Variants in ACAD11 observed in about 807,000 individuals in gnomAD.
The protein encoded by ACAD11 is acyl-CoA dehydrogenase family member 11.
Under a neutral mutation model 102.2 loss-of-function variants are expected in ACAD11, and 83 were observed. That is an observed-to-expected ratio of 0.81 (90% CI 0.68 to 0.97). The LOEUF is 0.97. ACAD11 is among the 50% of genes least tolerant of loss of function. The pLI is 0.00. For missense variants in ACAD11, 901 were observed against 951.7 expected (o/e 0.95, Z 0.70); for synonymous variants, 324 against 319.8 (o/e 1.01, Z -0.14).
chr3:132,654,888 A>C (rs556958161), intron 1 of ACAD11, among the ~76,000 whole-genome samples: 1 of 152,374 alleles, frequency 6.6e-6, no homozygotes, highest in South Asian at 2.1e-4. Context: ...GAGTTAGCAT[A>C]AATAGGCTGA....
intron 1 of ACAD11, among the ~76,000 whole-genome samples, chr3:132,655,141 T>C (rs990001199): frequency 3.3e-5 from 5 of 152,226 alleles, no homozygotes; most frequent in African/African-American, 7.2e-5. Flanking sequence ...TTATGCAGCA[T>C]GTGACTATAT....
chr3:132,632,209 G>T (rs535797692), intron 5 of ACAD11, among the ~76,000 whole-genome samples: 1 of 151,748 alleles, frequency 6.6e-6, no homozygotes, highest in African/African-American at 2.4e-5. Context: ...TCAGCCTCCC[G>T]AATAGCTGGG....
intron 17 of ACAD11, among the ~76,000 whole-genome samples, chr3:132,574,908 G>A (rs903495536): frequency 2.0e-5 from 3 of 152,098 alleles, no homozygotes; most frequent in East Asian, 1.9e-4. Context: ...GATCTTGGCT[G>A]AACGCAACCT....
chr3:132,579,147 A>C, intron 14 of ACAD11: 1 of 1,112,424 alleles, frequency 9.0e-7, no homozygotes, highest in Non-Finnish European at 1.2e-6. Flanking sequence ...TTATATATAT[A>C]ATTAAACATT....
chr3:132,580,264 A>G (rs1937579053), intron 13 of ACAD11, among the ~76,000 whole-genome samples: 1 of 152,096 alleles, frequency 6.6e-6, no homozygotes. Flanking sequence ...TAAAGATTTA[A>G]TGAGAAATGT....
chr3:132,612,662 A>G (rs1238985034), intron 11 of ACAD11, among the ~76,000 whole-genome samples: 3 of 152,108 alleles, frequency 2.0e-5, no homozygotes, highest in East Asian at 3.8e-4. Flanking sequence ...AATGCAAATC[A>G]AAACCACAAT....
At chr3:132,608,390 C>CACAGACACACATA (rs1414981000) in intron 11 of ACAD11, among the ~76,000 whole-genome samples, 7 of 152,080 alleles carry the variant, frequency 4.6e-5, no homozygotes, top group Non-Finnish European at 8.8e-5. Flanking sequence ...ATCTCACGTG[C>CACAGACACACATA]ACAGACACAC....
intron 13 of ACAD11, among the ~76,000 whole-genome samples, chr3:132,593,843 C>T (rs1938186326): frequency 6.6e-6 from 1 of 152,078 alleles, no homozygotes; most frequent in Non-Finnish European, 1.5e-5. Flanking sequence ...TGGTAAGCAG[C>T]AAAATGGAAT....
intron 9 of ACAD11, among the ~76,000 whole-genome samples, chr3:132,626,072 T>C (rs763975603): frequency 6.6e-6 from 1 of 152,224 alleles, no homozygotes; most frequent in Non-Finnish European, 1.5e-5. Flanking sequence ...ATTTAGTGTC[T>C]TCCTTTCCTG....
intron 11 of ACAD11, among the ~76,000 whole-genome samples, chr3:132,609,246 C>T (rs972879004): frequency 5.3e-5 from 8 of 152,016 alleles, no homozygotes; most frequent in Non-Finnish European, 1.0e-4. Flanking sequence ...AGAAGCAAGC[C>T]AAACAAATTC....
At chr3:132,605,059 G>T in intron 12 of ACAD11, 39 bp downstream of exon 12, 2 of 1,478,700 alleles carry the variant, frequency 1.4e-6, no homozygotes, top group South Asian at 1.2e-5. Context: ...ACTCCGGGAC[G>T]ACTGACTACA....
chr3:132,619,540 T>G lies in ACAD11; in HGVS notation c.1203A>C (p.Val401=), dbSNP rs374412355. 4.4e-6 allele frequency: 7 copies of G among 1,582,660 alleles called. No homozygotes were observed. In the African/African-American group the frequency reaches 9.5e-5, roughly 22 times the overall value. ...KQHILPAEKE[V]TEFYVQNENS... is the part of the protein sequence containing the mutation. ...TTTCATTTTGAACATAGAACTCAGT[T>G]ACCTCCTTAAAGTAATAAAAGAAAA... Residue 401 remains valine (V), a synonymous_variant, in exon 10 of 20, where the codon GTA becomes GTC. Coordinates refer to ENST00000264990, the MANE Select transcript of ACAD11 (RefSeq NM_032169.5).
At chr3:132,642,644 A>G (rs751023934) in intron 3 of ACAD11, 33 bp downstream of exon 3, 1 of 1,564,934 alleles carries the variant, frequency 6.4e-7, no homozygotes. Context: ...ATTAAAAGTA[A>G]AAGCAACAAA....
At position 132,630,554 on chromosome 3, in the gene ACAD11, T is replaced by C. The variant is rs1370801544; in HGVS notation, c.846A>G (p.Ile282Met). 7 of 1,606,136 alleles carry C rather than the reference T, an allele frequency of 4.4e-6. No homozygotes were observed. The African/African-American group carries it at 6.7e-5, about 15-fold the overall frequency. Residue 282 changes from isoleucine (I) to methionine (M), a missense_variant, in exon 7 of 20, where the codon ATA (isoleucine) becomes ATG (methionine). Transcript: ENST00000264990. Reference protein sequence around the residue: ...NQGSYSENSGIPSMEELISIY... With the variant: ...NQGSYSENSGMPSMEELISIY... ...TTGAAATCAGTTCTTCCATTGATGG[T>C]ATCCCTATAAAAACAGCATGTAATA... is the stretch of plus-strand genomic sequence containing the variant.
In ACAD11 at chr3:132,630,600, G is replaced by A. The variant is rs557470428; in HGVS notation, c.842-42C>T. Reference sequence around the variant, plus strand: ...TAATATAAACTTTAATTAAAATGTCGTGGTGAATATTTCAAAATGTTATGA... The same window carrying A: ...TAATATAAACTTTAATTAAAATGTCATGGTGAATATTTCAAAATGTTATGA... On this transcript the variant is annotated intron_variant, in intron 6 of 19. Coordinates refer to ENST00000264990, the MANE Select transcript of ACAD11 (RefSeq NM_032169.5). 39 of 1,550,752 alleles carry A rather than the reference G, an allele frequency of 2.5e-5. 1 individual carries two copies. Among genetic ancestry groups the A allele is most frequent in the Middle Eastern group, 3.8e-4 (2 of 5,280 alleles).
intron 17 of ACAD11, among the ~76,000 whole-genome samples, chr3:132,568,291 C>T (rs72998128): frequency 0.018 from 2,697 of 152,168 alleles, 82 homozygotes; most frequent in African/African-American, 0.061. Flanking sequence ...ATTAAAAACA[C>T]AATACTTATT....
At chr3:132,607,743 G>C (rs1435415864) in intron 11 of ACAD11, among the ~76,000 whole-genome samples, 2 of 152,048 alleles carry the variant, frequency 1.3e-5, no homozygotes, top group Non-Finnish European at 2.9e-5. Context: ...TAGAAAGAGA[G>C]GCCAACATTC....
At chr3:132,594,128 G>C (rs1352527578) in intron 13 of ACAD11, among the ~76,000 whole-genome samples, 2 of 152,242 alleles carry the variant, frequency 1.3e-5, no homozygotes, top group East Asian at 3.9e-4. Flanking sequence ...CGCTACCAGA[G>C]GAAGCTGCTC....
intron 1 of ACAD11, among the ~76,000 whole-genome samples, chr3:132,649,430 T>G (rs1940849494): frequency 6.6e-6 from 1 of 152,096 alleles, no homozygotes; most frequent in Non-Finnish European, 1.5e-5. Context: ...TTTACTCTAC[T>G]GAGATGTTTG....
Sources: allele counts gnomAD v4.1 joint callset (sites outside exome capture counted in the v4.1 genomes callset), GRCh38; gene constraint gnomAD v4.1.1; transcripts MANE v1.5; gene names NCBI Gene and HGNC (gene_info 2026-07-23, HGNC 2026-07-21).